Variants in ITGB5 observed in about 807,000 individuals in gnomAD.
ITGB5 encodes integrin subunit beta 5, also known as integrin beta-5.
Under a neutral mutation model 84.8 loss-of-function variants are expected in ITGB5, and 38 were observed. That is an observed-to-expected ratio of 0.45 (90% CI 0.35 to 0.59). The LOEUF (loss-of-function observed/expected upper bound fraction) is 0.59. Ranked by LOEUF, ITGB5 falls within the 20% of genes least tolerant of loss-of-function variation. ITGB5 has a pLI of 0.01. For missense variants in ITGB5, 905 were observed against 1,034.5 expected (o/e 0.87, Z 1.72); for synonymous variants, 393 against 414.4 (o/e 0.95, Z 0.63).
At chr3:124,779,791 A>G (rs1260777359) in intron 10 of ITGB5, among the ~76,000 whole-genome samples, 1 of 152,174 alleles carries the variant, frequency 6.6e-6, no homozygotes, top group African/African-American at 2.4e-5. Flanking sequence ...CTCATTAAAC[A>G]TCACTGCCTT....
chr3:124,777,403 G>A (rs964277153), intron 10 of ITGB5, among the ~76,000 whole-genome samples: 1 of 152,222 alleles, frequency 6.6e-6, no homozygotes, highest in East Asian at 1.9e-4. Flanking sequence ...TGACTTCAAA[G>A]CAAAGCCCTA....
chr3:124,848,381 C>G lies in ITGB5; in HGVS notation c.539G>C (p.Gly180Ala). The G allele has an allele frequency of 6.2e-7, 1 of 1,614,100 alleles. No individual in the cohort carries two copies. Among genetic ancestry groups the G allele is most frequent in the Non-Finnish European group, 8.5e-7 (1 of 1,180,020 alleles). ...KLTSNFRLGFGSFVDKDISPF... is the reference protein window; with the variant it reads ...KLTSNFRLGFASFVDKDISPF... ...AGAGATGTCCTTATCAACAAAAGAC[C>G]CAAATCCCAACCGGAAGTTGCTGGT... Residue 180 changes from glycine to alanine, a missense_variant, in exon 4 of 15, where the codon GGG becomes GCG. Around this residue, in one of 3 missense-constraint regions of ITGB5, gnomAD observed 656 missense variants for 734.7 expected, o/e 0.89. Coordinates refer to ENST00000296181, the MANE Select transcript of ITGB5 (RefSeq NM_002213.5).
At chr3:124,777,360 C>T (rs1247729986) in intron 10 of ITGB5, among the ~76,000 whole-genome samples, 2 of 152,240 alleles carry the variant, frequency 1.3e-5, no homozygotes, top group Non-Finnish European at 2.9e-5. Flanking sequence ...AGAAAACCTT[C>T]ATCTGCATGG....
At chr3:124,777,496 CTGA>C (rs1224526157) in intron 10 of ITGB5, among the ~76,000 whole-genome samples, 1 of 152,246 alleles carries the variant, frequency 6.6e-6, no homozygotes, top group Non-Finnish European at 1.5e-5. Flanking sequence ...CTTTGTGACT[CTGA>C]TAATAGTCCC....
At chr3:124,873,648 G>C (rs888126755) in intron 1 of ITGB5, 117 bp from the exon 2 acceptor site, 5 of 810,264 alleles carry the variant, frequency 6.2e-6, no homozygotes, top group Middle Eastern at 2.3e-4. Flanking sequence ...GAGTCTAAAG[G>C]GTGCAGGTAC....
chr3:124,851,948 G>A (rs1222423943), intron 3 of ITGB5, among the ~76,000 whole-genome samples: 2 of 152,150 alleles, frequency 1.3e-5, no homozygotes, highest in Admixed American at 1.3e-4. Context: ...TTAACAGCCT[G>A]AAGGTGAAGC....
rs1332012145 is a variant in ITGB5, at chr3:124,807,538, G to C, written c.1263+1484C>G. On this transcript the variant is annotated intron_variant, in intron 9 of 14. Transcript: ENST00000296181. ...CTTGGAAACAACGTGTCTTAGAAAA[G>C]GCCTTGGTAGCCAGTCATAAGAGGC... Among the ~76,000 whole-genome samples, 5 of 152,152 alleles carry C rather than the reference G, an allele frequency of 3.3e-5. No individual in the cohort carries two copies. The South Asian group carries it at 1.0e-3, about 32-fold the overall frequency.
intron 3 of ITGB5, 119 bp downstream of exon 3, chr3:124,859,123 C>T (rs532061574): frequency 2.2e-6 from 2 of 923,872 alleles, no homozygotes; most frequent in East Asian, 4.9e-5. Flanking sequence ...CTCCCCATCA[C>T]CATCTCGTGG....
At chr3:124,804,705 C>A (rs2064368085) in intron 9 of ITGB5, among the ~76,000 whole-genome samples, 1 of 152,170 alleles carries the variant, frequency 6.6e-6, no homozygotes. Flanking sequence ...CTTGTTCTGT[C>A]ACCCAGGCTA....
At chr3:124,876,837 A>G (rs2107644816) in intron 1 of ITGB5, among the ~76,000 whole-genome samples, 1 of 152,318 alleles carries the variant, frequency 6.6e-6, no homozygotes, top group South Asian at 2.1e-4. Flanking sequence ...CCAAATGTGG[A>G]CGAAGAAGGT....
At chr3:124,888,302 C>A (rs1246462780), upstream of ITGB5, among the ~76,000 whole-genome samples, 2 of 152,196 alleles carry the variant, frequency 1.3e-5, no homozygotes. Flanking sequence ...TACTGATAAT[C>A]TGTCAGTTTC....
chr3:124,862,251 C>G (rs544969001), intron 2 of ITGB5: 29 of 152,596 alleles, frequency 1.9e-4, no homozygotes, highest in African/African-American at 7.0e-4. Context: ...ACCAGGGTGG[C>G]AACGGAAGCA....
At chr3:124,790,829 T>C (rs1053381070) in intron 10 of ITGB5, among the ~76,000 whole-genome samples, 1 of 152,182 alleles carries the variant, frequency 6.6e-6, no homozygotes, top group Non-Finnish European at 1.5e-5. Context: ...GACGTATACA[T>C]GAGACCTTAC....
chr3:124,764,234 TTCTC>T (rs1353810263), intron 14 of ITGB5, among the ~76,000 whole-genome samples, 153 bp downstream of exon 14: 1 of 152,200 alleles, frequency 6.6e-6, no homozygotes, highest in Non-Finnish European at 1.5e-5. Flanking sequence ...GGCTGTGCAA[TTCTC>T]TCTCTCCAGA....
At chr3:124,855,374 CA>C (rs980384946) in intron 3 of ITGB5, among the ~76,000 whole-genome samples, 1 of 152,110 alleles carries the variant, frequency 6.6e-6, no homozygotes, top group African/African-American at 2.4e-5. Context: ...TCCCTAGAGT[CA>C]GGGGGGAGAT....
chr3:124,848,696 A>G, intron 3 of ITGB5, 138 bp from the exon 4 acceptor site: 1 of 899,036 alleles, frequency 1.1e-6, no homozygotes. Flanking sequence ...TTTTCTTGGA[A>G]GTAAAGTGCC....
chr3:124,869,610 TCTC>T lies in ITGB5; in HGVS notation c.156+3833_156+3835del, dbSNP rs567456654. Among the ~76,000 whole-genome samples the T allele has an allele frequency of 1.5e-3, 229 of 152,012 alleles. 1 individual carries two copies. Among genetic ancestry groups the T allele is most frequent in the African/African-American group, 5.5e-3 (228 of 41,456 alleles). Reference sequence around the variant, plus strand: ...AATAAATAAATAACCATTCCTGAACTCTCCTAACCTGGCTCTCTAAAACACACC... The same window carrying T: ...AATAAATAAATAACCATTCCTGAACTCTAACCTGGCTCTCTAAAACACACC... On this transcript the variant is annotated intron_variant, in intron 2 of 14. Coordinates refer to ENST00000296181, the MANE Select transcript of ITGB5 (RefSeq NM_002213.5).
intron 2 of ITGB5, among the ~76,000 whole-genome samples, chr3:124,867,273 GTTC>G (rs1176782954): frequency 1.3e-5 from 2 of 151,988 alleles, no homozygotes; most frequent in African/African-American, 2.4e-5. Flanking sequence ...TGGCCTCACT[GTTC>G]TTCTCCCTGT....
At chr3:124,831,074 C>T (rs1274320282) in intron 5 of ITGB5, among the ~76,000 whole-genome samples, 1 of 152,138 alleles carries the variant, frequency 6.6e-6, no homozygotes, top group East Asian at 1.9e-4. Flanking sequence ...CCTAGTACAT[C>T]CCCTGGAATA....
Sources: gnomAD v4.1 joint callset for allele counts (sites outside exome capture counted in the v4.1 genomes callset) on GRCh38, gnomAD v4.1.1 for gene constraint, gnomAD v4.1.1 regional missense constraint, MANE v1.5 for transcripts, NCBI Gene and HGNC (gene_info 2026-07-23, HGNC 2026-07-21) for gene names.